The following SHANK2 variants were observed in gnomAD, a reference collection of about 807,000 sequenced individuals.
SHANK2 encodes SH3 and multiple ankyrin repeat domains 2, also known as SH3 and multiple ankyrin repeat domains protein 2.
A neutral mutation model predicts 133.7 loss-of-function variants in SHANK2; 43 were observed. The ratio of observed to expected loss-of-function variants is 0.32; its 90% CI spans 0.25 to 0.41. SHANK2 has a LOEUF of 0.41. SHANK2 is among the 10% of genes least tolerant of loss of function. The probability of loss-of-function intolerance (pLI) is 1.00; values close to 1 mark genes in which losing one functional copy is unlikely to be tolerated. For synonymous variants in SHANK2, 1,017 were observed against 952.8 expected (o/e 1.07, Z -1.24); for missense variants, 1,994 against 2,235.8 (o/e 0.89, Z 2.18).
At chr11:71,081,804 T>C (rs1174430418) in intron 8 of SHANK2, among the ~76,000 whole-genome samples, 1 of 152,198 alleles carries the variant, frequency 6.6e-6, no homozygotes, top group Non-Finnish European at 1.5e-5. Flanking sequence ...CAGCTCACTG[T>C]TGCGGCTCCA....
chr11:71,159,583 G>A (rs1952969410), intron 2 of SHANK2, among the ~76,000 whole-genome samples: 1 of 152,086 alleles, frequency 6.6e-6, no homozygotes, highest in Admixed American at 6.6e-5. Flanking sequence ...AATAAAACAA[G>A]GCGAGAAAAA....
chr11:70,790,354 G>C (rs148328884), intron 14 of SHANK2, among the ~76,000 whole-genome samples: 1 of 152,318 alleles, frequency 6.6e-6, no homozygotes, highest in African/African-American at 2.4e-5. Context: ...TCAGCTTTAT[G>C]GGCCAACGGA....
rs139638069 is a variant in SHANK2, at chr11:70,504,790, C to T, written c.2062-1859G>A. Among the ~76,000 whole-genome samples, 12 of 152,112 alleles carry T rather than the reference C, an allele frequency of 7.9e-5. No homozygotes were observed. In the East Asian group the frequency reaches 1.5e-3, roughly 20 times the overall value. On this transcript the variant is annotated intron_variant, in intron 17 of 25. Coordinates refer to ENST00000601538, the MANE Select transcript of SHANK2 (RefSeq NM_012309.5). ...GGAGCCGGATCGAGGAAGACAGCAC[C>T]GGGAGTTCTCGGAGGGCAGACCTCA...
chr11:70,599,095 C>T (rs1051888344), intron 17 of SHANK2, among the ~76,000 whole-genome samples: 8 of 149,914 alleles, frequency 5.3e-5, no homozygotes, highest in East Asian at 3.9e-4. Context: ...GATAATCAGT[C>T]GATAAAAGAT....
intron 14 of SHANK2, among the ~76,000 whole-genome samples, chr11:70,746,670 G>A (rs1946645176): frequency 6.6e-6 from 1 of 152,182 alleles, no homozygotes; most frequent in Admixed American, 6.5e-5. Flanking sequence ...GCCGATGGGA[G>A]CCTCTGGGTC....
At chr11:70,818,899 G>A (rs1351319391) in intron 12 of SHANK2, among the ~76,000 whole-genome samples, 4 of 152,234 alleles carry the variant, frequency 2.6e-5, no homozygotes, top group Non-Finnish European at 4.4e-5. Context: ...AGCCCCTCCT[G>A]GGACCACGTG....
rs1322143159 is a variant in SHANK2, at chr11:71,166,473, C to CTTTTTTTTTTTTTT, written c.-12-19136_-12-19135insAAAAAAAAAAAAAA. ...TTGGTTTACCTTCCAATCCACACGT[C>CTTTTTTTTTTTTTT]TTTTTTTTCTTTTCTTTTTTTTTTG... On this transcript the variant is annotated intron_variant, in intron 2 of 25. Coordinates refer to ENST00000601538, the MANE Select transcript of SHANK2 (RefSeq NM_012309.5). Among the ~76,000 whole-genome samples, 7 of 131,380 alleles carry CTTTTTTTTTTTTTT rather than the reference C, an allele frequency of 5.3e-5. 1 individual carries two copies. The highest frequency in any genetic ancestry group is 6.5e-5 in the Non-Finnish European group (4 of 61,408). The allele number at this position is 131,380 out of a possible 152,430, so 86.2% of individuals were successfully genotyped here. A position where few individuals can be genotyped will look rare whatever the true frequency, so the allele number is the denominator to read the frequency against.
At chr11:71,122,498 AGTGTGGAGGGTTGGGGGAGGGAAAG>A (rs1404574813) in intron 3 of SHANK2, among the ~76,000 whole-genome samples, 2 of 152,150 alleles carry the variant, frequency 1.3e-5, no homozygotes, top group Admixed American at 1.3e-4. Flanking sequence ...GGCCTGTCTT[AGTGTGGAGGGTTGGGGGAGGGAAAG>A]CATTACGAGA....
At chr11:70,766,098 T>G (rs550534046) in intron 14 of SHANK2, among the ~76,000 whole-genome samples, 1 of 152,210 alleles carries the variant, frequency 6.6e-6, no homozygotes, top group Non-Finnish European at 1.5e-5. Flanking sequence ...GGAAGCAGAG[T>G]GGACAATGTG....
At chr11:70,559,889 T>TTTA (rs1554980463) in intron 17 of SHANK2, among the ~76,000 whole-genome samples, 1 of 92,130 alleles carries the variant, frequency 1.1e-5, no homozygotes, top group African/African-American at 3.8e-5. Context: ...TTATTTATTT[T>TTTA]GAGACAGAGT....
intron 14 of SHANK2, among the ~76,000 whole-genome samples, chr11:70,707,372 CAAAAAAAAAAAAA>C (rs1172194976): frequency 3.5e-5 from 2 of 57,878 alleles, no homozygotes; most frequent in Admixed American, 2.4e-4. Context: ...AACTCCATCT[CAAAAAAAAAAAAA>C]AAAAAAAAAA....
chr11:71,171,510 C>T (rs551006642), intron 2 of SHANK2, among the ~76,000 whole-genome samples: 134 of 152,304 alleles, frequency 8.8e-4, no homozygotes, highest in African/African-American at 3.2e-3. Context: ...CTGGTCAAGT[C>T]CTGAAGTCCA....
intron 2 of SHANK2, among the ~76,000 whole-genome samples, chr11:71,154,559 T>G (rs1952861612): frequency 6.6e-6 from 1 of 152,186 alleles, no homozygotes; most frequent in Admixed American, 6.5e-5. Context: ...ACACAACACA[T>G]GGGGGCCCTG....
chr11:70,834,663 A>T (rs1948779835), intron 11 of SHANK2, among the ~76,000 whole-genome samples: 1 of 152,268 alleles, frequency 6.6e-6, no homozygotes, highest in South Asian at 2.1e-4. Context: ...ATAATTGTTA[A>T]ATGAATCATG....
chr11:70,592,907 C>A (rs2060344596), intron 17 of SHANK2, among the ~76,000 whole-genome samples: 1 of 152,218 alleles, frequency 6.6e-6, no homozygotes, highest in African/African-American at 2.4e-5. Context: ...TTCCAGCCTC[C>A]TCGGCCCTGC....
intron 17 of SHANK2, among the ~76,000 whole-genome samples, chr11:70,637,494 C>T (rs1487759475): frequency 2.0e-5 from 3 of 152,152 alleles, no homozygotes; most frequent in Non-Finnish European, 4.4e-5. Context: ...ATCCAGGTGC[C>T]CACAGAGACA....
chr11:71,229,545 TGGATC>T (rs1555122684), intron 1 of SHANK2, among the ~76,000 whole-genome samples: 1 of 151,762 alleles, frequency 6.6e-6, no homozygotes, highest in African/African-American at 2.4e-5. Context: ...CCGAGGTGGG[TGGATC>T]ACGAGGTCAG....
chr11:70,544,572 G>T (rs1554975860), intron 17 of SHANK2, among the ~76,000 whole-genome samples: 1 of 152,116 alleles, frequency 6.6e-6, no homozygotes, highest in African/African-American at 2.4e-5. Context: ...GGTCAGGAGG[G>T]GCCACCCCGC....
chr11:70,775,117 C>A (rs1423395051), intron 14 of SHANK2, among the ~76,000 whole-genome samples: 1 of 152,110 alleles, frequency 6.6e-6, no homozygotes, highest in South Asian at 2.1e-4. Context: ...TATGATTGCA[C>A]CACCGCACTC....
Sources: gnomAD v4.1 joint callset for allele counts (sites outside exome capture counted in the v4.1 genomes callset) on GRCh38, gnomAD v4.1.1 for gene constraint, MANE v1.5 for transcripts, NCBI Gene and HGNC (gene_info 2026-07-23, HGNC 2026-07-21) for gene names.